Variants in GPHN observed in about 807,000 individuals in gnomAD.
GPHN encodes the protein gephyrin.
In GPHN, 17 loss-of-function variants were observed where a neutral mutation model predicts 95.5. That is an observed-to-expected ratio of 0.18 (90% CI 0.12 to 0.27). The LOEUF (loss-of-function observed/expected upper bound fraction) is 0.27, where lower values mean the gene tolerates loss of function less well. Ranked by LOEUF, GPHN falls within the 10% of genes least tolerant of loss-of-function variation. The probability of loss-of-function intolerance (pLI) is 1.00; values close to 1 mark genes in which losing one functional copy is unlikely to be tolerated. For synonymous variants in GPHN, 320 were observed against 322.5 expected, an observed-to-expected ratio of 0.99 and a Z score of 0.08; for missense variants, 660 against 978.1, an observed-to-expected ratio of 0.67 and a Z score of 4.34.
At chr14:67,213,276 T>C in the GPHN span, among the ~76,000 whole-genome samples, 4 of 149,226 alleles carry the variant, frequency 2.7e-5, no homozygotes, top group African/African-American at 9.8e-5. Flanking sequence ...AACTCGTCAT[T>C]TAGCATTAGG....
chr14:67,129,787 AG>A (rs2079572405), intron 17 of GPHN, among the ~76,000 whole-genome samples: 2 of 144,474 alleles, frequency 1.4e-5, no homozygotes, highest in South Asian at 4.9e-4. Context: ...AGAAAGAAAG[AG>A]AGAGAGAGGG....
the GPHN span, among the ~76,000 whole-genome samples, chr14:67,701,535 C>T: frequency 1.3e-5 from 2 of 150,510 alleles, no homozygotes; most frequent in East Asian, 1.9e-4. Flanking sequence ...GTGATTCTCC[C>T]GCCTCAGCCT....
At position 67,164,503 on chromosome 14, in the gene GPHN, T is replaced by C. The variant is rs1465502338; in HGVS notation, c.1911-659T>C. Among the ~76,000 whole-genome samples, 8 of 151,038 alleles carry C rather than the reference T, an allele frequency of 5.3e-5. No homozygotes were observed. The East Asian group carries it at 1.4e-3, about 26-fold the overall frequency. ...ACATATTATCAGGTAATCTGCTTTC[T>C]TTTTTTTTGAGATGGAGTCTTGCTC... On this transcript the variant is annotated intron_variant, in intron 19 of 22. Transcript: ENST00000478722.
rs779219999 is a variant in GPHN at position 66,900,287 on chromosome 14, A to C, written c.390-15716A>C. Among the ~76,000 whole-genome samples the C allele has an allele frequency of 2.0e-5, 3 of 150,852 alleles. No individual in the cohort carries two copies. In the South Asian group the frequency reaches 6.3e-4, roughly 32 times the overall value. ...CATTCCTTCTCCTTGTTTGGGGTTCATTTTGCTCTTTATCTAGTTCTTGAG... is the reference window on the plus strand; with the variant it reads ...CATTCCTTCTCCTTGTTTGGGGTTCCTTTTGCTCTTTATCTAGTTCTTGAG... On this transcript the variant is annotated intron_variant, in intron 5 of 22. Transcript: ENST00000478722.
the GPHN span, among the ~76,000 whole-genome samples, chr14:67,641,569 G>C: frequency 6.6e-6 from 1 of 152,216 alleles, no homozygotes; most frequent in Non-Finnish European, 1.5e-5. Context: ...CAATGCCTGG[G>C]ATCTTGTAAA....
chr14:66,817,636 A>G (rs1416825787), intron 3 of GPHN, among the ~76,000 whole-genome samples: 1 of 152,116 alleles, frequency 6.6e-6, no homozygotes, highest in Non-Finnish European at 1.5e-5. Flanking sequence ...GTCTAAGGTC[A>G]CTCATGTAGC....
At chr14:67,431,166 G>A in the GPHN span, among the ~76,000 whole-genome samples, 9 of 151,950 alleles carry the variant, frequency 5.9e-5, no homozygotes, top group Admixed American at 6.6e-5. Flanking sequence ...AGGCCGAGGC[G>A]GGTGGATCAC....
intron 1 of GPHN, among the ~76,000 whole-genome samples, chr14:66,570,062 T>C (rs2060620020): frequency 6.6e-6 from 1 of 152,150 alleles, no homozygotes; most frequent in African/African-American, 2.4e-5. Context: ...GTGCTTGTTT[T>C]ATTTCATTTA....
intron 1 of GPHN, among the ~76,000 whole-genome samples, chr14:66,525,496 A>C (rs1218548890): frequency 6.6e-6 from 1 of 152,146 alleles, no homozygotes; most frequent in African/African-American, 2.4e-5. Context: ...CTTTAGTTTA[A>C]TTAGATCCCA....
chr14:66,511,950 C>T (rs1016266647), intron 1 of GPHN, among the ~76,000 whole-genome samples: 1 of 151,780 alleles, frequency 6.6e-6, no homozygotes, highest in Admixed American at 6.6e-5. Context: ...TAACTTTGTT[C>T]GAAACTGTCT....
chr14:67,542,945 G>A, the GPHN span, among the ~76,000 whole-genome samples: 89 of 152,132 alleles, frequency 5.9e-4, no homozygotes, highest in African/African-American at 1.0e-3. Context: ...GGTGATCCTC[G>A]CCTCAGGTGA....
chr14:67,560,384 T>C, the GPHN span, among the ~76,000 whole-genome samples: 1,353 of 152,350 alleles, frequency 8.9e-3, 23 homozygotes, highest in African/African-American at 0.031. Flanking sequence ...TGGTAAAATA[T>C]ACATAAAATG....
At chr14:66,549,992 A>G (rs767732220) in intron 1 of GPHN, among the ~76,000 whole-genome samples, 17 of 152,232 alleles carry the variant, frequency 1.1e-4, no homozygotes, top group Non-Finnish European at 2.5e-4. Context: ...CTTATTGATA[A>G]TGTACCTAGT....
chr14:66,542,774 A>G (rs1013418631), intron 1 of GPHN, among the ~76,000 whole-genome samples: 7 of 152,212 alleles, frequency 4.6e-5, no homozygotes, highest in Admixed American at 6.5e-5. Context: ...TCTGTGCTCA[A>G]TGACTCTAAT....
chr14:67,495,054 T>A, the GPHN span, among the ~76,000 whole-genome samples: 1 of 152,216 alleles, frequency 6.6e-6, no homozygotes, highest in Non-Finnish European at 1.5e-5. Flanking sequence ...AACTTTTCTG[T>A]ACATTTGAAA....
At chr14:67,370,463 C>G in the GPHN span, among the ~76,000 whole-genome samples, 1 of 151,958 alleles carries the variant, frequency 6.6e-6, no homozygotes, top group African/African-American at 2.4e-5. Context: ...AATTGATAAA[C>G]CCCTAGTTAG....
the GPHN span, among the ~76,000 whole-genome samples, chr14:67,701,642 T>C: frequency 3.9e-5 from 6 of 152,076 alleles, no homozygotes; most frequent in African/African-American, 1.4e-4. Flanking sequence ...TGTGCTGGTC[T>C]CGAACTCCTG....
At chr14:67,253,559 G>A in the GPHN span, among the ~76,000 whole-genome samples, 1 of 152,252 alleles carries the variant, frequency 6.6e-6, no homozygotes, top group East Asian at 1.9e-4. Context: ...AAATGACGTA[G>A]TTAGGCCAGG....
At chr14:67,381,699 T>C in the GPHN span, 1 of 1,597,968 alleles carries the variant, frequency 6.3e-7, no homozygotes, top group Non-Finnish European at 8.6e-7. Flanking sequence ...AGGTGAGTCA[T>C]GAGTTGTCTC....
Sources: allele counts gnomAD v4.1 joint callset (sites outside exome capture counted in the v4.1 genomes callset), GRCh38; gene constraint gnomAD v4.1.1; transcripts MANE v1.5; gene names NCBI Gene and HGNC (gene_info 2026-07-23, HGNC 2026-07-21).